Variants in PDE3B observed in about 807,000 individuals in gnomAD.
PDE3B encodes the protein cGMP-inhibited 3',5'-cyclic phosphodiesterase 3B.
Under a neutral mutation model 116.8 loss-of-function variants are expected in PDE3B, and 66 were observed. That is an observed-to-expected ratio of 0.56 (90% CI 0.46 to 0.69). PDE3B has a LOEUF of 0.69. Among genes scored for constraint, PDE3B ranks in the 30% least tolerant of loss-of-function variants. The pLI is 0.00. For missense variants in PDE3B, 1,384 were observed against 1,368.1 expected (o/e 1.01, Z -0.18); for synonymous variants, 595 against 533.6 (o/e 1.12, Z -1.59).
chr11:14,664,912 T>C (rs1854077733), intron 1 of PDE3B, among the ~76,000 whole-genome samples: 1 of 152,176 alleles, frequency 6.6e-6, no homozygotes, highest in Admixed American at 6.5e-5. Context: ...CCCTAACTCA[T>C]TTTATGAGAC....
the PDE3B span, chr11:14,880,282 T>C: frequency 1.2e-6 from 2 of 1,613,236 alleles, no homozygotes; most frequent in Non-Finnish European, 1.7e-6. Context: ...TTTACCTTGA[T>C]CCATCTCATC....
chr11:14,798,847 G>T (rs564120725), intron 4 of PDE3B, among the ~76,000 whole-genome samples: 1 of 151,932 alleles, frequency 6.6e-6, no homozygotes, highest in African/African-American at 2.4e-5. Flanking sequence ...CCTGGCTAGT[G>T]GTCAATATAT....
chr11:14,786,338 C>T, intron 2 of PDE3B, 99 bp from the exon 3 acceptor site: 3 of 774,570 alleles, frequency 3.9e-6, no homozygotes, highest in Non-Finnish European at 5.8e-6. Context: ...TTATTTGCTA[C>T]ATATATATAT....
rs145258329 is a variant in PDE3B at position 14,746,572 on chromosome 11, T to A, written c.979-25365T>A. Among the ~76,000 whole-genome samples, 359 of 152,316 alleles carry A rather than the reference T, an allele frequency of 2.4e-3. 1 individual carries two copies. The highest frequency in any genetic ancestry group is 8.1e-3 in the African/African-American group (337 of 41,576). ...CCCTTTTCTAGTTACTAGACTAGGATGTTTTAAAAGCTGAGGATATAAACT... is the reference window on the plus strand; with the variant it reads ...CCCTTTTCTAGTTACTAGACTAGGAAGTTTTAAAAGCTGAGGATATAAACT... On this transcript the variant is annotated intron_variant, in intron 1 of 15. Coordinates refer to ENST00000282096, the MANE Select transcript of PDE3B (RefSeq NM_000922.4).
the PDE3B span, among the ~76,000 whole-genome samples, chr11:14,895,231 AT>A: frequency 6.6e-6 from 1 of 152,364 alleles, no homozygotes; most frequent in East Asian, 1.9e-4. Flanking sequence ...CCTCCTTTGC[AT>A]GTTCCATTAT....
downstream of PDE3B, among the ~76,000 whole-genome samples, chr11:14,873,741 T>TTTG (rs1235757698): frequency 6.6e-6 from 1 of 152,240 alleles, no homozygotes; most frequent in African/African-American, 2.4e-5. Context: ...GGAAGTCTAC[T>TTTG]TTGAGTATCA....
chr11:14,848,138 C>A (rs2133979009), intron 12 of PDE3B, among the ~76,000 whole-genome samples: 2 of 139,748 alleles, frequency 1.4e-5, no homozygotes, highest in East Asian at 2.0e-4. Flanking sequence ...AGCTTATCCA[C>A]CATGATCAAG....
chr11:14,812,662 C>T (rs1055511601), intron 5 of PDE3B, among the ~76,000 whole-genome samples: 5 of 152,248 alleles, frequency 3.3e-5, no homozygotes, highest in African/African-American at 9.6e-5. Context: ...TATCTTCTAA[C>T]GAAATTAAAC....
chr11:14,731,480 G>C (rs1025648476), intron 1 of PDE3B, among the ~76,000 whole-genome samples: 1 of 151,868 alleles, frequency 6.6e-6, no homozygotes, highest in Non-Finnish European at 1.5e-5. Flanking sequence ...GGATGGTCTC[G>C]ATCTCCTGAC....
intron 1 of PDE3B, among the ~76,000 whole-genome samples, chr11:14,769,912 T>C (rs1857591815): frequency 6.6e-6 from 1 of 150,660 alleles, no homozygotes; most frequent in Non-Finnish European, 1.5e-5. Flanking sequence ...AGTACAAATA[T>C]TTAAAAAGGT....
At chr11:14,686,453 G>C (rs1328552431) in intron 1 of PDE3B, among the ~76,000 whole-genome samples, 3 of 152,162 alleles carry the variant, frequency 2.0e-5, no homozygotes, top group Non-Finnish European at 4.4e-5. Flanking sequence ...ATTAATTTGA[G>C]ACTGTTGAAA....
the PDE3B span, chr11:14,878,091 ATTCT>A: frequency 6.2e-7 from 1 of 1,611,120 alleles, no homozygotes; most frequent in Middle Eastern, 1.7e-4. Flanking sequence ...GCAAATATAC[ATTCT>A]TGTTCCCGAA....
intron 1 of PDE3B, among the ~76,000 whole-genome samples, chr11:14,650,328 TG>T (rs1358707835): frequency 4.6e-5 from 7 of 151,946 alleles, no homozygotes; most frequent in Admixed American, 1.3e-4. Context: ...CTCAGCCTCC[TG>T]ACTAGGTGGG....
chr11:14,669,696 G>A (rs1485967486), intron 1 of PDE3B, among the ~76,000 whole-genome samples: 2 of 149,480 alleles, frequency 1.3e-5, no homozygotes, highest in South Asian at 2.1e-4. Context: ...CCACCTATGA[G>A]TGAGAATATG....
At chr11:14,785,791 G>C (rs901477234) in intron 2 of PDE3B, among the ~76,000 whole-genome samples, 2 of 151,748 alleles carry the variant, frequency 1.3e-5, no homozygotes, top group South Asian at 2.1e-4. Flanking sequence ...TCATCTTTAA[G>C]TTATCGCTAT....
chr11:14,747,387 T>G (rs1856938563), intron 1 of PDE3B, among the ~76,000 whole-genome samples: 1 of 152,146 alleles, frequency 6.6e-6, no homozygotes, highest in Non-Finnish European at 1.5e-5. Context: ...TTGACTAGAC[T>G]TACACAACAT....
intron 5 of PDE3B, among the ~76,000 whole-genome samples, chr11:14,806,783 CG>C (rs1238167442): frequency 7.3e-6 from 1 of 137,642 alleles, no homozygotes; most frequent in African/African-American, 2.7e-5. Context: ...GGCATGAACC[CG>C]GGAGGCGGAG....
rs58004646 is a variant in PDE3B at position 14,712,466 on chromosome 11, G to GTTTT, written c.979-59448_979-59445dup. Among the ~76,000 whole-genome samples, 16 of 76,286 alleles carry GTTTT rather than the reference G, an allele frequency of 2.1e-4. 3 individuals are homozygous for GTTTT. The highest frequency in any genetic ancestry group is 7.4e-4 in the African/African-American group (12 of 16,320). The allele number at this position is 76,286 out of a possible 152,430, so 50.0% of individuals were successfully genotyped here. On this transcript the variant is annotated intron_variant, in intron 1 of 15. Transcript: ENST00000282096. ...GTAGTTTATTTGGACGTACAAGCTT[G>GTTTT]TTTTTTTTTTTTTTTTTTTTTTTTT... is the stretch of plus-strand genomic sequence containing the variant.
intron 2 of PDE3B, chr11:14,775,912 A>C (rs1857771678): frequency 6.6e-6 from 1 of 152,194 alleles, no homozygotes; most frequent in African/African-American, 2.4e-5. Flanking sequence ...TATATATACT[A>C]TACTTTATAT....
Sources: gnomAD v4.1 joint callset for allele counts (sites outside exome capture counted in the v4.1 genomes callset) on GRCh38, gnomAD v4.1.1 for gene constraint, MANE v1.5 for transcripts, NCBI Gene and HGNC (gene_info 2026-07-23, HGNC 2026-07-21) for gene names.